The following CNTN5 variants were observed in gnomAD, a reference collection of about 807,000 sequenced individuals.
CNTN5 encodes the protein contactin-5.
CNTN5 carries 77 observed loss-of-function variants against 129.1 expected under a neutral mutation model. The ratio of observed to expected loss-of-function variants is 0.60; its 90% CI spans 0.50 to 0.72. CNTN5 has a LOEUF of 0.72. Ranked by LOEUF, CNTN5 falls within the 30% of genes least tolerant of loss-of-function variation. The probability of loss-of-function intolerance (pLI) is 0.00; values close to 1 mark genes in which losing one functional copy is unlikely to be tolerated. For missense variants in CNTN5, 1,478 were observed against 1,328.8 expected (o/e 1.11, Z -1.75); for synonymous variants, 509 against 465.6 (o/e 1.09, Z -1.20).
At chr11:99,077,952 A>C (rs766243166) in intron 1 of CNTN5, among the ~76,000 whole-genome samples, 36 of 152,178 alleles carry the variant, frequency 2.4e-4, no homozygotes, top group Non-Finnish European at 4.4e-4. Flanking sequence ...CAGTATGAAA[A>C]TGGACAAATA....
At chr11:99,258,705 G>GT (rs1862491927) in intron 1 of CNTN5, among the ~76,000 whole-genome samples, 1 of 151,636 alleles carries the variant, frequency 6.6e-6, no homozygotes, top group Non-Finnish European at 1.5e-5. Flanking sequence ...TTGTATCTAG[G>GT]TTTTTTCTTA....
intron 10 of CNTN5, among the ~76,000 whole-genome samples, chr11:100,064,247 T>C (rs954085758): frequency 3.3e-5 from 5 of 152,192 alleles, no homozygotes; most frequent in African/African-American, 1.2e-4. Context: ...ATTGCAAGAA[T>C]ACTTATGCTT....
At chr11:99,274,471 T>C (rs770921675) in intron 1 of CNTN5, among the ~76,000 whole-genome samples, 1 of 151,670 alleles carries the variant, frequency 6.6e-6, no homozygotes, top group East Asian at 1.9e-4. Context: ...CTCAGGCTGA[T>C]ATCATTCAGT....
chr11:100,189,516 C>T (rs1210906928), intron 13 of CNTN5, among the ~76,000 whole-genome samples: 1 of 152,080 alleles, frequency 6.6e-6, no homozygotes, highest in Admixed American at 6.6e-5. Context: ...TCACCCAAGT[C>T]AGTAAAATCC....
intron 9 of CNTN5, among the ~76,000 whole-genome samples, chr11:100,006,031 A>G (rs2137497169): frequency 6.6e-6 from 1 of 152,284 alleles, no homozygotes; most frequent in South Asian, 2.1e-4. Flanking sequence ...TTCACAATGA[A>G]GAAAGTCACA....
At chr11:99,246,024 A>G (rs1257108723) in intron 1 of CNTN5, among the ~76,000 whole-genome samples, 1 of 152,144 alleles carries the variant, frequency 6.6e-6, no homozygotes, top group East Asian at 1.9e-4. Context: ...AGTGACATGA[A>G]CTTATGACAT....
At chr11:99,177,673 G>A (rs975853031) in intron 1 of CNTN5, among the ~76,000 whole-genome samples, 1 of 152,138 alleles carries the variant, frequency 6.6e-6, no homozygotes, top group African/African-American at 2.4e-5. Context: ...TTACGTGTCT[G>A]GAATGTGTAG....
intron 7 of CNTN5, among the ~76,000 whole-genome samples, chr11:99,955,058 T>A (rs1283925614): frequency 3.9e-5 from 6 of 152,028 alleles, no homozygotes; most frequent in African/African-American, 1.4e-4. Flanking sequence ...TGTTAGTTGC[T>A]TTCTTTTCTC....
chr11:99,368,426 G>A (rs1939597716), intron 2 of CNTN5, among the ~76,000 whole-genome samples: 1 of 151,602 alleles, frequency 6.6e-6, no homozygotes, highest in Non-Finnish European at 1.5e-5. Flanking sequence ...AGGATCACTT[G>A]AGCCCGGGAG....
At chr11:99,942,238 T>G (rs901695873) in intron 7 of CNTN5, among the ~76,000 whole-genome samples, 2 of 152,002 alleles carry the variant, frequency 1.3e-5, no homozygotes, top group Admixed American at 6.6e-5. Context: ...TAGATGAGTA[T>G]GTGATCTGGT....
chr11:99,845,610 G>A (rs1042709144), intron 6 of CNTN5, among the ~76,000 whole-genome samples: 2 of 151,888 alleles, frequency 1.3e-5, no homozygotes, highest in Non-Finnish European at 2.9e-5. Flanking sequence ...CTGACCTCGT[G>A]ATCCGCCCGC....
intron 13 of CNTN5, among the ~76,000 whole-genome samples, chr11:100,130,672 C>T (rs1271449303): frequency 1.3e-5 from 2 of 151,888 alleles, no homozygotes; most frequent in African/African-American, 2.4e-5. Context: ...TTAGTTTTTA[C>T]GTTGCTCAGG....
intron 1 of CNTN5, among the ~76,000 whole-genome samples, chr11:99,153,006 G>A (rs982851698): frequency 1.3e-5 from 2 of 152,180 alleles, no homozygotes; most frequent in Admixed American, 6.5e-5. Flanking sequence ...TCTGCTGAAA[G>A]TTCTGCTGTT....
chr11:100,205,824 G>A (rs1379616376), intron 15 of CNTN5, among the ~76,000 whole-genome samples: 3 of 151,904 alleles, frequency 2.0e-5, no homozygotes, highest in Non-Finnish European at 4.4e-5. Context: ...TTCATATAAG[G>A]GACTTGAGCA....
intron 9 of CNTN5, among the ~76,000 whole-genome samples, chr11:100,022,661 C>T (rs899962298): frequency 2.6e-5 from 4 of 152,076 alleles, no homozygotes; most frequent in Admixed American, 6.6e-5. Flanking sequence ...TTTAATCTGG[C>T]GTTATTTTCT....
chr11:99,608,804 A>G (rs183958935), intron 3 of CNTN5, among the ~76,000 whole-genome samples: 2 of 152,248 alleles, frequency 1.3e-5, no homozygotes, highest in Admixed American at 6.5e-5. Context: ...TCACATATGT[A>G]TGTAGATTAT....
chr11:99,966,048 C>T (rs536811619), intron 8 of CNTN5, among the ~76,000 whole-genome samples: 1 of 152,230 alleles, frequency 6.6e-6, no homozygotes, highest in African/African-American at 2.4e-5. Context: ...ATGAATGTTT[C>T]TGCAAATGTG....
chr11:99,999,045 T>TA (rs1438526302), intron 8 of CNTN5, among the ~76,000 whole-genome samples: 2 of 151,972 alleles, frequency 1.3e-5, no homozygotes, highest in Admixed American at 6.6e-5. Context: ...CCTAAAACCA[T>TA]AAAAACCCTA....
intron 6 of CNTN5, among the ~76,000 whole-genome samples, chr11:99,908,240 C>G (rs1313646033): frequency 6.6e-6 from 1 of 151,758 alleles, no homozygotes; most frequent in Admixed American, 6.6e-5. Context: ...TAGTAGTAGG[C>G]AAGAAAGTAA....
Sources: gnomAD v4.1 joint callset for allele counts (sites outside exome capture counted in the v4.1 genomes callset) on GRCh38, gnomAD v4.1.1 for gene constraint, MANE v1.5 for transcripts, NCBI Gene and HGNC (gene_info 2026-07-23, HGNC 2026-07-21) for gene names.